Variants in ANO6 observed in about 807,000 individuals in gnomAD.
ANO6 encodes anoctamin 6.
ANO6 carries 106 observed loss-of-function variants against 117.5 expected under a neutral mutation model. The observed-to-expected ratio is 0.90, with a 90% CI of 0.77 to 1.06. The LOEUF (loss-of-function observed/expected upper bound fraction) is 1.06. Ranked by LOEUF, ANO6 falls within the 50% of genes least tolerant of loss-of-function variation. ANO6 has a pLI of 0.00. For missense variants in ANO6, 955 were observed against 1,121.1 expected (o/e 0.85, Z 2.12); for synonymous variants, 367 against 385.1 (o/e 0.95, Z 0.55).
intron 3 of ANO6, among the ~76,000 whole-genome samples, chr12:45,346,564 A>G (rs1320523608): frequency 7.2e-5 from 11 of 152,166 alleles, no homozygotes; most frequent in Admixed American, 7.2e-4. Flanking sequence ...GGGATGACGC[A>G]TACACATCCA....
At chr12:45,310,738 G>C (rs183562421) in intron 2 of ANO6, among the ~76,000 whole-genome samples, 97 of 152,160 alleles carry the variant, frequency 6.4e-4, no homozygotes, top group African/African-American at 2.0e-3. Context: ...TTTGCTTTGG[G>C]AAGTGCAGCC....
chr12:45,333,330 T>G (rs1433732225), intron 3 of ANO6, among the ~76,000 whole-genome samples: 3 of 152,052 alleles, frequency 2.0e-5, no homozygotes, highest in South Asian at 2.1e-4. Flanking sequence ...TTAATTTTCC[T>G]GTGGACACTA....
At chr12:45,275,274 C>T (rs964479579) in intron 1 of ANO6, among the ~76,000 whole-genome samples, 2 of 151,978 alleles carry the variant, frequency 1.3e-5, no homozygotes, top group East Asian at 3.9e-4. Context: ...GCAGTAGCGC[C>T]ATCTCGGCTC....
intron 9 of ANO6, among the ~76,000 whole-genome samples, chr12:45,368,402 T>C (rs1435036469): frequency 6.6e-6 from 1 of 152,240 alleles, no homozygotes; most frequent in Non-Finnish European, 1.5e-5. Context: ...TATGCTTAGA[T>C]TGTAAAGACC....
chr12:45,353,963 T>C (rs929341434), intron 7 of ANO6, among the ~76,000 whole-genome samples: 21 of 151,560 alleles, frequency 1.4e-4, no homozygotes, highest in African/African-American at 4.9e-4. Flanking sequence ...TATAAAGGGA[T>C]AGAAAAGGGG....
chr12:45,262,675 C>T (rs1312909532), intron 1 of ANO6, among the ~76,000 whole-genome samples: 1 of 152,156 alleles, frequency 6.6e-6, no homozygotes, highest in Non-Finnish European at 1.5e-5. Context: ...CTGCCCGGCT[C>T]GGCCTCCCAG....
At chr12:45,418,427 A>G (rs566608105) in intron 17 of ANO6, among the ~76,000 whole-genome samples, 2 of 152,334 alleles carry the variant, frequency 1.3e-5, no homozygotes, top group South Asian at 2.1e-4. Flanking sequence ...GAAAAATGGC[A>G]GTGAGGCCTT....
chr12:45,331,420 A>T lies in ANO6; in HGVS notation c.276A>T (p.Gln92His). 6.2e-7 allele frequency: 1 copy of T among 1,603,264 alleles called. No individual in the cohort carries two copies. Among genetic ancestry groups the T allele is most frequent in the South Asian group, 1.1e-5 (1 of 88,528 alleles). ...ATAAAAAGGGTACAAATGAAAAACA[A>T]AGGGTAAGTTTTTATGCTATTTTCC... ...ETNKKGTNEK[Q>H]RRKRQAYESN... Residue 92 changes from glutamine to histidine, a missense_variant, in exon 3 of 20, where the codon CAA becomes CAT. Transcript: ENST00000320560.
At chr12:45,350,929 T>C (rs760716354) in intron 7 of ANO6, among the ~76,000 whole-genome samples, 155 bp downstream of exon 7, 2 of 152,148 alleles carry the variant, frequency 1.3e-5, no homozygotes, top group Non-Finnish European at 2.9e-5. Context: ...GAGGCTTAAT[T>C]ATGTGGGCAT....
At chr12:45,329,992 C>T (rs896171999) in intron 2 of ANO6, among the ~76,000 whole-genome samples, 1 of 152,064 alleles carries the variant, frequency 6.6e-6, no homozygotes, top group South Asian at 2.1e-4. Context: ...CAGCCTAAGA[C>T]ATGGATGTGT....
intron 8 of ANO6, among the ~76,000 whole-genome samples, chr12:45,359,043 C>T (rs944218107): frequency 3.9e-5 from 6 of 152,214 alleles, no homozygotes; most frequent in Admixed American, 3.9e-4. Flanking sequence ...CTCGGCCTCC[C>T]AAAGTGCTGG....
chr12:45,435,184 A>G (rs1012237646), downstream of ANO6, among the ~76,000 whole-genome samples: 2 of 152,164 alleles, frequency 1.3e-5, no homozygotes, highest in Non-Finnish European at 2.9e-5. Flanking sequence ...TATTGTATTC[A>G]GGGCTCCAAC....
At chr12:45,390,538 T>A (rs754741849) in intron 12 of ANO6, 40 bp downstream of exon 12, 4 of 1,554,466 alleles carry the variant, frequency 2.6e-6, no homozygotes, top group Non-Finnish European at 3.5e-6. Context: ...ATTAAAAATG[T>A]TTTTATTATG....
rs1592931822 is a variant in ANO6, at chr12:45,297,700, A to C, written c.71-4314A>C. ...TTTATTGCTTCAATTTCACTATACT[A>C]ATTGCATTGATAAAAATTTTTAAAG... On this transcript the variant is annotated intron_variant, in intron 1 of 19. Transcript: ENST00000320560. 2.0e-5 allele frequency among the ~76,000 whole-genome samples: 3 copies of C among 152,266 alleles called. No homozygotes were observed. The East Asian group carries it at 5.8e-4, about 29-fold the overall frequency.
intron 1 of ANO6, among the ~76,000 whole-genome samples, chr12:45,254,275 C>T (rs572249301): frequency 1.3e-5 from 2 of 152,304 alleles, no homozygotes; most frequent in East Asian, 3.9e-4. Flanking sequence ...CCAGGGGAAG[C>T]TTACTCCAGG....
intron 1 of ANO6, chr12:45,270,664 A>G (rs1938366812): frequency 6.5e-6 from 3 of 458,242 alleles, no homozygotes; most frequent in African/African-American, 2.0e-5. Flanking sequence ...GTTGAATTGA[A>G]GTTCTGTAAC....
chr12:45,327,203 A>T (rs189668661), intron 2 of ANO6, among the ~76,000 whole-genome samples: 2 of 152,320 alleles, frequency 1.3e-5, no homozygotes, highest in East Asian at 3.9e-4. Context: ...GGCAGTATCC[A>T]TAGCAAAGTT....
chr12:45,371,651 C>T (rs1159581164), intron 9 of ANO6, among the ~76,000 whole-genome samples: 2 of 151,972 alleles, frequency 1.3e-5, no homozygotes, highest in Non-Finnish European at 2.9e-5. Flanking sequence ...GCTGAGGGTC[C>T]TGTCTGTTAG....
chr12:45,313,989 C>T (rs1939931973), intron 2 of ANO6, among the ~76,000 whole-genome samples: 2 of 152,140 alleles, frequency 1.3e-5, no homozygotes, highest in South Asian at 4.2e-4. Context: ...AGTGGGCATA[C>T]TGTTCACCTC....
Sources: gnomAD v4.1 joint callset for allele counts (sites outside exome capture counted in the v4.1 genomes callset) on GRCh38, gnomAD v4.1.1 for gene constraint, MANE v1.5 for transcripts, NCBI Gene and HGNC (gene_info 2026-07-23, HGNC 2026-07-21) for gene names.